HELZ: variants seen among roughly 807,000 people sequenced by gnomAD.
HELZ encodes the protein helicase with zinc finger.
In HELZ, 23 loss-of-function variants were observed where a neutral mutation model predicts 218.2. The ratio of observed to expected loss-of-function variants is 0.11; its 90% CI spans 0.08 to 0.15. HELZ has a LOEUF of 0.15. HELZ is among the 10% of genes least tolerant of loss of function. HELZ has a pLI of 1.00. For missense variants in HELZ, 1,813 were observed against 2,353.7 expected (o/e 0.77, Z 4.75); for synonymous variants, 814 against 829.4 (o/e 0.98, Z 0.32).
intron 2 of HELZ, among the ~76,000 whole-genome samples, chr17:67,242,065 C>T (rs1182298705): frequency 2.0e-5 from 3 of 152,218 alleles, no homozygotes; most frequent in Admixed American, 6.5e-5. Flanking sequence ...ACAAACATCT[C>T]CACAGTCAAA....
chr17:67,221,821 G>A (rs1257347473), intron 3 of HELZ, among the ~76,000 whole-genome samples: 1 of 148,494 alleles, frequency 6.7e-6, no homozygotes, highest in Non-Finnish European at 1.5e-5. Context: ...GTTTTTTGTT[G>A]TTGTTGTTGC....
intron 5 of HELZ, among the ~76,000 whole-genome samples, chr17:67,207,323 G>A (rs1284160496): frequency 2.1e-5 from 3 of 145,840 alleles, no homozygotes; most frequent in Non-Finnish European, 4.5e-5. Context: ...CAGTTCAAGC[G>A]ACTCTCCTGC....
At chr17:67,229,742 G>C (rs1354194259) in intron 3 of HELZ, among the ~76,000 whole-genome samples, 4 of 152,112 alleles carry the variant, frequency 2.6e-5, no homozygotes, top group African/African-American at 4.8e-5. Context: ...TCCAAAACTG[G>C]AATCTATATA....
At chr17:67,094,333 AAG>A (rs1555597034) in intron 31 of HELZ, among the ~76,000 whole-genome samples, 38 of 146,592 alleles carry the variant, frequency 2.6e-4, no homozygotes, top group Middle Eastern at 3.5e-3. Context: ...AAAAAAAAAA[AAG>A]AGAGAGAGAG....
chr17:67,100,955 A>T (rs1458324761), intron 31 of HELZ, among the ~76,000 whole-genome samples: 2 of 151,808 alleles, frequency 1.3e-5, no homozygotes, highest in Non-Finnish European at 2.9e-5. Flanking sequence ...TAAAAATATT[A>T]AAAAATTAGC....
At chr17:67,151,561 C>T (rs1192976054) in intron 17 of HELZ, among the ~76,000 whole-genome samples, 1 of 152,162 alleles carries the variant, frequency 6.6e-6, no homozygotes, top group Non-Finnish European at 1.5e-5. Context: ...AAAACATTCC[C>T]ATTCTGGAAT....
intron 11 of HELZ, among the ~76,000 whole-genome samples, chr17:67,189,287 C>T (rs956702766): frequency 6.6e-6 from 1 of 152,050 alleles, no homozygotes; most frequent in Non-Finnish European, 1.5e-5. Flanking sequence ...TAGTTAATTA[C>T]AAGCCATGAA....
chr17:67,152,569 A>T (rs1219389532), intron 17 of HELZ, among the ~76,000 whole-genome samples: 1 of 152,090 alleles, frequency 6.6e-6, no homozygotes, highest in African/African-American at 2.4e-5. Context: ...AAGGTGGTAA[A>T]AAAGAGGAAC....
chr17:67,160,353 A>C lies in HELZ; in HGVS notation c.2085T>G (p.Ile695Met). 6.2e-7 allele frequency: 1 copy of C among 1,602,906 alleles called. No individual in the cohort carries two copies. Among genetic ancestry groups the C allele is most frequent in the Non-Finnish European group, 8.5e-7 (1 of 1,170,518 alleles). Residue 695 changes from isoleucine (I) to methionine (M), a missense_variant, in exon 17 of 33, where the codon ATT (isoleucine) becomes ATG (methionine). Ile to Met is a conservative substitution (Grantham distance 10). Coordinates refer to ENST00000358691, the MANE Select transcript of HELZ (RefSeq NM_014877.4). ...ILQQQETRIL[I>M]CTHSNSAADL... ...CAGCAGCACTATTAGAATGGGTGCA[A>C]ATGAGAATCCTGCTGAAATAAATGG...
chr17:67,078,700 T>C (rs1257188827), intron 32 of HELZ, 114 bp from the exon 33 acceptor site: 11 of 640,444 alleles, frequency 1.7e-5, no homozygotes, highest in East Asian at 6.0e-5. Context: ...AAGGACAGTA[T>C]AGCCACAAGG....
chr17:67,133,487 A>C (rs2038051008), intron 23 of HELZ, among the ~76,000 whole-genome samples: 1 of 152,164 alleles, frequency 6.6e-6, no homozygotes, highest in Non-Finnish European at 1.5e-5. Flanking sequence ...GTTATTTATA[A>C]GGAGAGCCCA....
chr17:67,145,686 A>G (rs2038471740), intron 21 of HELZ, 57 bp downstream of exon 21: 1 of 1,430,660 alleles, frequency 7.0e-7, no homozygotes, highest in African/African-American at 1.4e-5. Context: ...AATGCTTAAC[A>G]AAACTAGACG....
At chr17:67,230,961 T>C (rs890606527) in intron 3 of HELZ, among the ~76,000 whole-genome samples, 101 of 152,274 alleles carry the variant, frequency 6.6e-4, no homozygotes, top group African/African-American at 2.2e-3. Flanking sequence ...ATTTTGTAAG[T>C]AAAAAACAGA....
rs1198930049 is a variant in HELZ at position 67,135,986 on chromosome 17, A to T, written c.3166T>A (p.Ser1056Thr). The T allele has an allele frequency of 2.5e-6, 4 of 1,612,986 alleles. No individual in the cohort carries two copies. In the African/African-American group the frequency reaches 4.0e-5, roughly 16 times the overall value. ...AVVGDPIALC[S>T]IGRCRKFWER... Reference sequence around the variant, plus strand: ...CATAATTACCTGCATCTTCCAATAGAGCACAGAGCAATGGGATCACCCACC... The same window carrying T: ...CATAATTACCTGCATCTTCCAATAGTGCACAGAGCAATGGGATCACCCACC... Residue 1056 changes from serine to threonine, a missense_variant, in exon 23 of 33, where the codon TCT becomes ACT. Transcript: ENST00000358691.
At chr17:67,192,185 A>G (rs990078118) in intron 9 of HELZ, among the ~76,000 whole-genome samples, 2 of 152,070 alleles carry the variant, frequency 1.3e-5, no homozygotes, top group Non-Finnish European at 2.9e-5. Flanking sequence ...CTGGGCAACA[A>G]GAGCAAAACT....
In HELZ at chr17:67,078,568, T is replaced by A. The variant is rs199927742; in HGVS notation, c.5513A>T (p.Lys1838Ile). ...RELIAPPKTV[K>I]PPEDQLKSEN... The stretch of plus-strand genomic sequence containing the variant: ...CGACTTCAGTTGATCCTCAGGGGGT[T>A]TGACAGTCTTGGGTGGCGCTAAAAG... Residue 1838 changes from lysine to isoleucine, a missense_variant, in exon 33 of 33, where the codon AAA becomes ATA. Lys to Ile is a moderately radical substitution (Grantham distance 102, BLOSUM62 -3). This residue lies in a region of HELZ where 938 missense variants were observed against 1,027.5 expected (regional missense o/e 0.91). Transcript: ENST00000358691. 6.7e-7 allele frequency: 1 copy of A among 1,494,442 alleles called. No individual in the cohort carries two copies. Among genetic ancestry groups the A allele is most frequent in the Non-Finnish European group, 8.9e-7 (1 of 1,122,956 alleles). 92.6% of individuals were successfully genotyped at this position (1,494,442 alleles called of 1,614,324 possible).
intron 12 of HELZ, among the ~76,000 whole-genome samples, chr17:67,181,091 T>C (rs545832883): frequency 5.3e-5 from 8 of 152,098 alleles, no homozygotes; most frequent in African/African-American, 1.7e-4. Flanking sequence ...CTCTACATAA[T>C]AGTAAGGAAT....
chr17:67,153,761 CA>C (rs1466736495), intron 17 of HELZ, among the ~76,000 whole-genome samples: 1 of 152,002 alleles, frequency 6.6e-6, no homozygotes, highest in African/African-American at 2.4e-5. Flanking sequence ...TGCACAAATG[CA>C]AAAAGGTAGC....
At chr17:67,098,476 T>C (rs540063477) in intron 31 of HELZ, among the ~76,000 whole-genome samples, 39 of 152,158 alleles carry the variant, frequency 2.6e-4, no homozygotes, top group East Asian at 1.9e-3. Flanking sequence ...GGCTCACGCC[T>C]GTAATCCCAG....
Sources: allele counts gnomAD v4.1 joint callset (sites outside exome capture counted in the v4.1 genomes callset), GRCh38; gene constraint gnomAD v4.1.1; regional missense constraint gnomAD v4.1.1; transcripts MANE v1.5; gene names NCBI Gene and HGNC (gene_info 2026-07-23, HGNC 2026-07-21).